Variants in ASIC2 observed in about 807,000 individuals in gnomAD.
The protein encoded by ASIC2 is acid sensing ion channel subunit 2.
In ASIC2, 25 loss-of-function variants were observed where a neutral mutation model predicts 57.3. That is an observed-to-expected ratio of 0.44 (90% CI 0.32 to 0.61). ASIC2 has a LOEUF of 0.61. Among genes scored for constraint, ASIC2 ranks in the 20% least tolerant of loss-of-function variants. ASIC2 has a pLI of 0.06. For synonymous variants in ASIC2, 319 were observed against 307.5 expected (o/e 1.04, Z -0.39); for missense variants, 641 against 738.1 (o/e 0.87, Z 1.52).
chr17:33,350,803 C>CT (rs1414096271), intron 1 of ASIC2, among the ~76,000 whole-genome samples: 1 of 152,022 alleles, frequency 6.6e-6, no homozygotes, highest in Non-Finnish European at 1.5e-5. Flanking sequence ...ATCTGATGAT[C>CT]TTTTAGTTTC....
intron 2 of ASIC2, among the ~76,000 whole-genome samples, chr17:33,103,035 G>A (rs1325872670): frequency 2.6e-5 from 4 of 152,046 alleles, no homozygotes; most frequent in Non-Finnish European, 4.4e-5. Flanking sequence ...CGCCCGCCTT[G>A]GCCTCCCAAA....
chr17:34,096,304 G>A (rs1910544898), intron 1 of ASIC2, among the ~76,000 whole-genome samples: 1 of 152,176 alleles, frequency 6.6e-6, no homozygotes, highest in African/African-American at 2.4e-5. Flanking sequence ...AGGACATCAG[G>A]TATAGCATGA....
At position 33,739,753 on chromosome 17, in the gene ASIC2, G is replaced by A. The variant is rs140291224; in HGVS notation, c.555+416225C>T. Among the ~76,000 whole-genome samples, 21 of 148,800 alleles carry A rather than the reference G, an allele frequency of 1.4e-4. No homozygotes were observed. The South Asian group carries it at 3.6e-3, about 26-fold the overall frequency. ...ATGTGTGTTATAACCACATTAACAG[G>A]AGAGAAAATGGAGGAGAGAAAGAAA... On this transcript the variant is annotated intron_variant, in intron 1 of 9. Coordinates refer to the ASIC2 transcript ENST00000359872.
At chr17:33,236,388 C>A (rs1043531293) in intron 1 of ASIC2, among the ~76,000 whole-genome samples, 1 of 151,982 alleles carries the variant, frequency 6.6e-6, no homozygotes, top group Non-Finnish European at 1.5e-5. Flanking sequence ...TCTGTGTTGC[C>A]CAGGCTGGAG....
intron 1 of ASIC2, among the ~76,000 whole-genome samples, chr17:33,834,809 C>T (rs1913223863): frequency 6.6e-6 from 1 of 152,102 alleles, no homozygotes; most frequent in Non-Finnish European, 1.5e-5. Flanking sequence ...TATGATCTTC[C>T]CAGAGGTGTA....
At chr17:34,011,269 C>T (rs1459153407) in intron 1 of ASIC2, among the ~76,000 whole-genome samples, 1 of 152,118 alleles carries the variant, frequency 6.6e-6, no homozygotes, top group African/African-American at 2.4e-5. Flanking sequence ...ACGCACATAC[C>T]TTGGCCCTTT....
intron 1 of ASIC2, among the ~76,000 whole-genome samples, chr17:34,023,140 T>C (rs1567791380): frequency 6.6e-6 from 1 of 152,104 alleles, no homozygotes; most frequent in East Asian, 1.9e-4. Flanking sequence ...CCCAGTCTCA[T>C]GTAGTTCTTT....
At chr17:33,503,576 C>T (rs1446625631) in intron 1 of ASIC2, among the ~76,000 whole-genome samples, 2 of 152,142 alleles carry the variant, frequency 1.3e-5, no homozygotes, top group East Asian at 3.9e-4. Context: ...ATCTTATGCA[C>T]TCTGTTGCTG....
intron 1 of ASIC2, among the ~76,000 whole-genome samples, chr17:33,120,100 G>C (rs1417500928): frequency 6.6e-6 from 1 of 152,196 alleles, no homozygotes; most frequent in Non-Finnish European, 1.5e-5. Flanking sequence ...AGAGTAGTTT[G>C]CCTGATTTTT....
At chr17:33,826,994 C>T (rs1245838867) in intron 1 of ASIC2, among the ~76,000 whole-genome samples, 1 of 152,110 alleles carries the variant, frequency 6.6e-6, no homozygotes, top group East Asian at 1.9e-4. Context: ...AGGGGTTGGG[C>T]ACATAAAGTT....
At chr17:33,451,824 G>A (rs1043044999) in intron 1 of ASIC2, among the ~76,000 whole-genome samples, 4 of 152,162 alleles carry the variant, frequency 2.6e-5, no homozygotes, top group South Asian at 2.1e-4. Context: ...AGCACCCTAC[G>A]TTTTTCCTTG....
At chr17:33,525,106 G>A (rs140728290) in intron 1 of ASIC2, among the ~76,000 whole-genome samples, 9 of 152,232 alleles carry the variant, frequency 5.9e-5, no homozygotes, top group East Asian at 1.9e-4. Flanking sequence ...TATTCTTGAC[G>A]TTCCCTCTAC....
At chr17:33,685,576 T>C (rs1908159425) in intron 1 of ASIC2, among the ~76,000 whole-genome samples, 1 of 152,228 alleles carries the variant, frequency 6.6e-6, no homozygotes, top group Non-Finnish European at 1.5e-5. Flanking sequence ...AAGTACTTGC[T>C]GTCTCCTGGA....
intron 1 of ASIC2, among the ~76,000 whole-genome samples, chr17:33,387,750 A>G (rs957179939): frequency 1.3e-5 from 2 of 152,254 alleles, no homozygotes; most frequent in Non-Finnish European, 2.9e-5. Flanking sequence ...ATGTAACTAT[A>G]GTTAACAATA....
chr17:34,088,543 G>A (rs1443359115), intron 1 of ASIC2, among the ~76,000 whole-genome samples: 1 of 152,210 alleles, frequency 6.6e-6, no homozygotes, highest in Non-Finnish European at 1.5e-5. Flanking sequence ...CTGTGTGCTA[G>A]GAGAACCACT....
intron 1 of ASIC2, among the ~76,000 whole-genome samples, chr17:34,093,451 A>G (rs979157365): frequency 2.0e-5 from 3 of 152,232 alleles, no homozygotes; most frequent in Admixed American, 6.5e-5. Flanking sequence ...AAGCCCCACA[A>G]AGTCCTATGT....
intron 1 of ASIC2, among the ~76,000 whole-genome samples, chr17:33,256,824 T>A (rs1030390636): frequency 2.0e-5 from 3 of 152,016 alleles, no homozygotes; most frequent in Non-Finnish European, 4.4e-5. Context: ...AGAGTGAGAC[T>A]CCATCTCAAA....
chr17:33,721,028 T>C (rs1445080023), intron 1 of ASIC2, among the ~76,000 whole-genome samples: 1 of 152,034 alleles, frequency 6.6e-6, no homozygotes, highest in Non-Finnish European at 1.5e-5. Context: ...TCCTGGAAAA[T>C]AACAAAAATG....
chr17:33,855,757 C>G (rs1913910055), intron 1 of ASIC2, among the ~76,000 whole-genome samples: 1 of 152,004 alleles, frequency 6.6e-6, no homozygotes, highest in South Asian at 2.1e-4. Context: ...GTTGCCTGAC[C>G]TAAGGGAAGA....
Sources: gnomAD v4.1 joint callset for allele counts (sites outside exome capture counted in the v4.1 genomes callset) on GRCh38, gnomAD v4.1.1 for gene constraint, MANE v1.5 for transcripts, NCBI Gene and HGNC (gene_info 2026-07-23, HGNC 2026-07-21) for gene names.